CFAP70: variants seen among roughly 807,000 people sequenced by gnomAD.
CFAP70 encodes the protein cilia and flagella associated protein 70, also known as cilia- and flagella-associated protein 70.
A neutral mutation model predicts 137.6 loss-of-function variants in CFAP70; 81 were observed. The ratio of observed to expected loss-of-function variants is 0.59; its 90% CI spans 0.49 to 0.71. CFAP70 has a LOEUF of 0.71. CFAP70 is among the 30% of genes least tolerant of loss of function. CFAP70 has a pLI of 0.00. For synonymous variants in CFAP70, 382 were observed against 423.6 expected, an observed-to-expected ratio of 0.90 and a Z score of 1.20; for missense variants, 976 against 1,226.7, an observed-to-expected ratio of 0.80 and a Z score of 3.05.
intron 21 of CFAP70, chr10:73,276,112 T>C (rs2131747165): frequency 6.6e-6 from 1 of 151,962 alleles, no homozygotes; most frequent in South Asian, 2.1e-4. Flanking sequence ...TTTGTTTTTT[T>C]TTTTTTCTTT....
chr10:73,327,526 T>C (rs1256087508), intron 8 of CFAP70, among the ~76,000 whole-genome samples: 1 of 151,816 alleles, frequency 6.6e-6, no homozygotes, highest in Non-Finnish European at 1.5e-5. Flanking sequence ...GGTATTCAAT[T>C]AGGAAAAGAG....
At chr10:73,261,301 A>AT (rs993035191) in intron 25 of CFAP70, among the ~76,000 whole-genome samples, 1 of 151,820 alleles carries the variant, frequency 6.6e-6, no homozygotes, top group Non-Finnish European at 1.5e-5. Flanking sequence ...TAATCTTTGT[A>AT]TTTTTTTGTA....
In CFAP70 at chr10:73,298,999, T is replaced by C. The variant is rs1332116133; in HGVS notation, c.1420A>G (p.Met474Val). Residue 474 changes from methionine (M) to valine (V), a missense_variant, in exon 14 of 27, where the codon ATG becomes GTG. Coordinates refer to ENST00000310715, the Ensembl canonical transcript of CFAP70. ...TGCTCCTCCAAGGTTTCACTATCCATATCACTCTCCAGTTTGGCCACCTGT... is the reference window on the plus strand; with the variant it reads ...TGCTCCTCCAAGGTTTCACTATCCACATCACTCTCCAGTTTGGCCACCTGT... 1.9e-6 allele frequency: 3 copies of C among 1,614,070 alleles called. No individual in the cohort carries two copies. In the South Asian group the frequency reaches 3.3e-5, roughly 18 times the overall value.
chr10:73,279,335 T>A (rs905889594), intron 19 of CFAP70, among the ~76,000 whole-genome samples: 19 of 151,334 alleles, frequency 1.3e-4, no homozygotes, highest in Non-Finnish European at 4.4e-5. Flanking sequence ...CCATTCTAGC[T>A]AACACGGTGA....
rs965258655 is a variant in CFAP70 at position 73,351,003 on chromosome 10, G to A, written c.251-2482C>T. On this transcript the variant is annotated intron_variant, in intron 3 of 26. Coordinates refer to ENST00000310715, the Ensembl canonical transcript of CFAP70. ...TGTGTGTATATATATGTGTGTATAT[G>A]TGTGTATGTGTGTGTATATATATGT... is the stretch of plus-strand genomic sequence containing the variant. 2.8e-5 allele frequency among the ~76,000 whole-genome samples: 4 copies of A among 140,640 alleles called. 1 individual carries two copies. Among genetic ancestry groups the A allele is most frequent in the African/African-American group, 1.1e-4 (4 of 34,806 alleles). The allele number at this position is 140,640 out of a possible 152,430, so 92.3% of individuals were successfully genotyped here. A position where few individuals can be genotyped will look rare whatever the true frequency, so the allele number is the denominator to read the frequency against.
intron 5 of CFAP70, among the ~76,000 whole-genome samples, chr10:73,342,261 AGGCAAG>A (rs2053315554): frequency 6.6e-6 from 1 of 152,192 alleles, no homozygotes; most frequent in Non-Finnish European, 1.5e-5. Context: ...GATATCAGCC[AGGCAAG>A]GTGGCTTAAT....
intron 8 of CFAP70, among the ~76,000 whole-genome samples, chr10:73,328,351 A>C (rs1278130604): frequency 2.6e-5 from 4 of 151,962 alleles, no homozygotes; most frequent in Admixed American, 6.6e-5. Context: ...AGATGGATTA[A>C]AGACTTAAAC....
intron 9 of CFAP70, among the ~76,000 whole-genome samples, chr10:73,319,720 A>T (rs575098910): frequency 3.3e-5 from 5 of 152,338 alleles, no homozygotes; most frequent in Non-Finnish European, 7.3e-5. Context: ...GTTTTACTGT[A>T]CCAGGTGAGC....
chr10:73,343,910 A>C (rs1044684271), intron 5 of CFAP70, among the ~76,000 whole-genome samples: 1 of 152,160 alleles, frequency 6.6e-6, no homozygotes, highest in Non-Finnish European at 1.5e-5. Context: ...AAATATGATA[A>C]ACTATAAATT....
At chr10:73,356,942 G>A (rs1416083026) in intron 1 of CFAP70, among the ~76,000 whole-genome samples, 10 of 152,056 alleles carry the variant, frequency 6.6e-5, no homozygotes, top group Admixed American at 3.9e-4. Context: ...GGGTGCTGAG[G>A]ATACAAGAGA....
chr10:73,274,239 C>T (rs576218816), intron 23 of CFAP70, among the ~76,000 whole-genome samples, 194 bp downstream of exon 24: 8 of 152,344 alleles, frequency 5.3e-5, no homozygotes, highest in Admixed American at 1.3e-4. Context: ...CACAGACTCT[C>T]GTTTCAGCCT....
intron 20 of CFAP70, 92 bp from the exon 22 acceptor site, chr10:73,277,453 G>A (rs1183513682): frequency 1.4e-5 from 19 of 1,402,174 alleles, no homozygotes; most frequent in Non-Finnish European, 1.7e-5. Flanking sequence ...GGTGGCTCAC[G>A]CCTGTAATCC....
At chr10:73,307,866 C>T (rs1168707946) in intron 12 of CFAP70, among the ~76,000 whole-genome samples, 4 of 151,054 alleles carry the variant, frequency 2.6e-5, no homozygotes, top group African/African-American at 7.3e-5. Context: ...GGATTTGGGC[C>T]GGGCATGGTG....
At chr10:73,343,849 T>C (rs1252135596) in intron 5 of CFAP70, among the ~76,000 whole-genome samples, 1 of 152,190 alleles carries the variant, frequency 6.6e-6, no homozygotes, top group African/African-American at 2.4e-5. Context: ...TAAAAAACTT[T>C]TGTGTACCAA....
At chr10:73,303,949 T>C (rs2049161820) in intron 12 of CFAP70, among the ~76,000 whole-genome samples, 1 of 152,212 alleles carries the variant, frequency 6.6e-6, no homozygotes, top group Admixed American at 6.5e-5. Context: ...CAGCTCAGAT[T>C]TGATGCTTAT....
intron 25 of CFAP70, among the ~76,000 whole-genome samples, chr10:73,262,703 T>C (rs1219240371): frequency 7.2e-5 from 11 of 152,156 alleles, no homozygotes; most frequent in Non-Finnish European, 1.6e-4. Context: ...GCATGGTATA[T>C]ATAGGATTCA....
At chr10:73,296,966 C>T in intron 15 of CFAP70, 76 bp downstream of exon 16, 1 of 1,507,584 alleles carries the variant, frequency 6.6e-7, no homozygotes, top group Non-Finnish European at 9.0e-7. Flanking sequence ...GTTGAATAAA[C>T]AAAGGAAGGA....
At chr10:73,342,498 G>T (rs1471827098) in intron 5 of CFAP70, among the ~76,000 whole-genome samples, 1 of 151,974 alleles carries the variant, frequency 6.6e-6, no homozygotes, top group Admixed American at 6.6e-5. Flanking sequence ...ATCTATGATT[G>T]TGCCACTGCA....
intron 5 of CFAP70, among the ~76,000 whole-genome samples, chr10:73,343,209 CAA>C (rs60755900): frequency 2.5e-4 from 18 of 72,642 alleles, no homozygotes; most frequent in Admixed American, 4.9e-4. Flanking sequence ...GATTCCGTCT[CAA>C]AAAAAAAAAA....
Sources: gnomAD v4.1 joint callset for allele counts (sites outside exome capture counted in the v4.1 genomes callset) on GRCh38, gnomAD v4.1.1 for gene constraint, MANE v1.5 for transcripts, NCBI Gene and HGNC (gene_info 2026-07-23, HGNC 2026-07-21) for gene names.